Variants in TMEM120B observed in about 807,000 individuals in gnomAD.
TMEM120B encodes transmembrane protein 120B.
TMEM120B carries 31 observed loss-of-function variants against 55.5 expected under a neutral mutation model. The ratio of observed to expected loss-of-function variants is 0.56; its 90% CI spans 0.42 to 0.75. TMEM120B has a LOEUF of 0.75. Ranked by LOEUF, TMEM120B falls within the 30% of genes least tolerant of loss-of-function variation. The probability of loss-of-function intolerance (pLI) is 0.00; values close to 1 mark genes in which losing one functional copy is unlikely to be tolerated. For missense variants in TMEM120B, 399 were observed against 425.5 expected (o/e 0.94, Z 0.55); for synonymous variants, 203 against 176.3 (o/e 1.15, Z -1.20).
chr12:121,755,366 C>G (rs574613049), intron 5 of TMEM120B, among the ~76,000 whole-genome samples: 1 of 152,312 alleles, frequency 6.6e-6, no homozygotes, highest in East Asian at 1.9e-4. Context: ...ATCTACTCCA[C>G]CAGTACTCCT....
chr12:121,779,401 T>G lies in TMEM120B; in HGVS notation c.*3679T>G. 72 of 1,325,334 alleles carry G rather than the reference T, an allele frequency of 5.4e-5. No individual in the cohort carries two copies. The highest frequency in any genetic ancestry group is 6.1e-5 in the Non-Finnish European group (59 of 962,644). The allele number at this position is 1,325,334 out of a possible 1,614,324, so 82.1% of individuals were successfully genotyped here. A position where few individuals can be genotyped will look rare whatever the true frequency, so the allele number is the denominator to read the frequency against. ...GTCTAGCCGCAGGCCCCAGACACCA[T>G]GAGCTGGAGGGTCGGGATGGGGCAG... On this transcript the variant is annotated 3_prime_UTR_variant, in exon 12 of 12. Transcript: ENST00000449592.
Position 121,773,479 on chromosome 12 carries a change from C to T in TMEM120B, c.738C>T (p.Ala246=). ...GGGGCTGCCTCTACCGGCTGCGGGC[C>T]CTGGGGGAGAGGAACCACCTGGATC... ...YQRGCLYRLR[A]LGERNHLDLT... is the part of the protein sequence containing the mutation. The change falls in exon 9 of 12, where the codon GCC becomes GCT. Residue 246 remains alanine (A), a synonymous_variant. Transcript: ENST00000449592. 6.2e-7 allele frequency: 1 copy of T among 1,606,416 alleles called. No homozygotes were observed. Among genetic ancestry groups the T allele is most frequent in the Non-Finnish European group, 8.5e-7 (1 of 1,176,160 alleles).
At chr12:121,715,043 C>T (rs1894673333) in intron 1 of TMEM120B, among the ~76,000 whole-genome samples, 1 of 152,108 alleles carries the variant, frequency 6.6e-6, no homozygotes, top group Non-Finnish European at 1.5e-5. Flanking sequence ...AGAGTCTTAA[C>T]ACTTCAGAGT....
intron 1 of TMEM120B, among the ~76,000 whole-genome samples, chr12:121,733,754 T>G (rs918058015): frequency 6.9e-6 from 1 of 145,418 alleles, no homozygotes; most frequent in Non-Finnish European, 1.5e-5. Flanking sequence ...GCCAGGCTGG[T>G]CTCGAACTCT....
rs760086181 is a variant in TMEM120B at position 121,716,905 on chromosome 12, G to A, written c.69+3941G>A. On this transcript the variant is annotated intron_variant, in intron 1 of 11. Transcript: ENST00000449592. ...AAAGAAAGAGCAAACCTAATTCTCA[G>A]ACCCCAGAAGATTTGAAAGATCTTT... Among the ~76,000 whole-genome samples the A allele has an allele frequency of 6.6e-5, 10 of 152,224 alleles. 1 individual carries two copies. Among genetic ancestry groups the A allele is most frequent in the Admixed American group, 1.3e-4 (2 of 15,280 alleles).
chr12:121,752,367 C>T, intron 5 of TMEM120B, 144 bp downstream of exon 5: 1 of 665,268 alleles, frequency 1.5e-6, no homozygotes, highest in Non-Finnish European at 2.6e-6. Context: ...GGGGCCATTT[C>T]TCATGGGAAA....
chr12:121,775,281 C>A lies in TMEM120B; in HGVS notation c.906+151C>A. The stretch of plus-strand genomic sequence containing the variant: ...GGGGTGTGTGCGTGTGTGTGGTGTG[C>A]TGTGGGGAGGTTCCTGGGGCGGGCT... On this transcript the variant is annotated intron_variant, in intron 11 of 11. Transcript: ENST00000449592. The surrounding 1 kb of genome is among the most constrained non-coding windows in gnomAD (Gnocchi z 4.3). 1 of 980,722 alleles carries A rather than the reference C, an allele frequency of 1.0e-6. No individual in the cohort carries two copies. Among genetic ancestry groups the A allele is most frequent in the Non-Finnish European group, 1.4e-6 (1 of 692,678 alleles). The allele number at this position is 980,722 out of a possible 1,614,324, so 60.8% of individuals were successfully genotyped here.
chr12:121,715,866 C>G (rs917233284), intron 1 of TMEM120B, among the ~76,000 whole-genome samples: 3 of 151,638 alleles, frequency 2.0e-5, no homozygotes, highest in South Asian at 2.1e-4. Flanking sequence ...ATTGGTAGGC[C>G]CCTCTCTGCC....
At chr12:121,732,006 G>A (rs756239457) in intron 1 of TMEM120B, among the ~76,000 whole-genome samples, 2 of 152,068 alleles carry the variant, frequency 1.3e-5, no homozygotes, top group Admixed American at 6.6e-5. Flanking sequence ...GCGTGGTGGC[G>A]GGCGCCTGTA....
intron 1 of TMEM120B, among the ~76,000 whole-genome samples, chr12:121,714,149 G>A (rs1339215004): frequency 6.6e-6 from 1 of 152,176 alleles, no homozygotes; most frequent in Admixed American, 6.6e-5. Context: ...GACCTGTCCA[G>A]CATGTGTAGG....
chr12:121,769,333 G>A (rs935836979), intron 6 of TMEM120B, among the ~76,000 whole-genome samples: 23 of 152,192 alleles, frequency 1.5e-4, no homozygotes, highest in East Asian at 7.7e-4. Flanking sequence ...AAGCTGCCTC[G>A]GAGATGGTGT....
chr12:121,740,318 C>G (rs1872896158), intron 1 of TMEM120B, among the ~76,000 whole-genome samples: 1 of 151,822 alleles, frequency 6.6e-6, no homozygotes, highest in East Asian at 1.9e-4. Context: ...AACCCTGTCT[C>G]TACTAAAAAT....
intron 5 of TMEM120B, among the ~76,000 whole-genome samples, chr12:121,754,445 A>G (rs1340235536): frequency 6.6e-6 from 1 of 152,222 alleles, no homozygotes; most frequent in Non-Finnish European, 1.5e-5. Flanking sequence ...CTGGGGGCTT[A>G]AAACGACAGA....
rs763119520 is a variant in TMEM120B, at chr12:121,770,984, C to G, written c.617+12C>G. 5.0e-6 allele frequency: 8 copies of G among 1,613,120 alleles called. No individual in the cohort carries two copies. In the Admixed American group the frequency reaches 1.3e-4, roughly 27 times the overall value. ...GTGATGCTGACCTGGTGAGTAGCCC[C>G]TCGCTGGGCCCCTCCAGCCTCCCAG... is the stretch of plus-strand genomic sequence containing the variant. On this transcript the variant is annotated intron_variant, in intron 7 of 11. Coordinates refer to ENST00000449592, the MANE Select transcript of TMEM120B (RefSeq NM_001080825.2).
chr12:121,752,154 A>G lies in TMEM120B; in HGVS notation c.392A>G (p.Lys131Arg). The G allele has an allele frequency of 6.2e-7, 1 of 1,613,580 alleles. No homozygotes were observed. The highest frequency in any genetic ancestry group is 8.5e-7 in the Non-Finnish European group (1 of 1,179,898). ...AKFAYKDEYE[K>R]FKLYLTIILL... Reference sequence around the variant, plus strand: ...TTCGCCTACAAGGACGAATATGAGAAGTTCAAGCTCTACCTGACCATCATC... The same window carrying G: ...TTCGCCTACAAGGACGAATATGAGAGGTTCAAGCTCTACCTGACCATCATC... Residue 131 changes from lysine (K) to arginine (R), a missense_variant, in exon 5 of 12, where the codon AAG becomes AGG. Around this residue, in one of 3 missense-constraint regions of TMEM120B, gnomAD observed 260 missense variants for 303.9 expected, o/e 0.86. Transcript: ENST00000449592.
rs1484493470 is a variant in TMEM120B at position 121,780,938 on chromosome 12, C to T, written c.*5216C>T. The T allele has an allele frequency of 6.2e-7, 1 of 1,613,958 alleles. No individual in the cohort carries two copies. Among genetic ancestry groups the T allele is most frequent in the Non-Finnish European group, 8.5e-7 (1 of 1,179,994 alleles). On this transcript the variant is annotated 3_prime_UTR_variant, in exon 12 of 12. Transcript: ENST00000449592. ...TCCGCAGCTGCTCCTTGTCCTTCCT[C>T]AGGTCTGTCTTGCAGCCGATGAGCA... is the stretch of plus-strand genomic sequence containing the variant.
intron 1 of TMEM120B, among the ~76,000 whole-genome samples, chr12:121,720,499 C>G (rs1304689511): frequency 6.6e-6 from 1 of 152,116 alleles, no homozygotes; most frequent in Non-Finnish European, 1.5e-5. Flanking sequence ...CATTTGAGCT[C>G]AGGAGTTTGA....
Position 121,743,618 on chromosome 12 carries a change from C to T in TMEM120B, c.70-11C>T. The T allele has an allele frequency of 6.2e-7, 1 of 1,611,234 alleles. No homozygotes were observed. Among genetic ancestry groups the T allele is most frequent in the South Asian group, 1.1e-5 (1 of 91,006 alleles). ...TCCCACACACCCTCCCCCGGGTCCC[C>T]TGTTCTTCAGGAGACGCACAGGATC... On this transcript the variant is annotated splice_polypyrimidine_tract_variant and intron_variant, in intron 1 of 11. Coordinates refer to ENST00000449592, the MANE Select transcript of TMEM120B (RefSeq NM_001080825.2).
chr12:121,779,525 CT>C lies in TMEM120B; in HGVS notation c.*3805del, dbSNP rs779996466. On this transcript the variant is annotated 3_prime_UTR_variant, in exon 12 of 12. Coordinates refer to ENST00000449592, the MANE Select transcript of TMEM120B (RefSeq NM_001080825.2). ...AGAGCAGCAGGCAGAGCCGGCGCTT[CT>C]TCTGCCGTTGCGCCTTCTTCAGAGC... is the stretch of plus-strand genomic sequence containing the variant. 1 of 1,613,264 alleles carries C rather than the reference CT, an allele frequency of 6.2e-7. No homozygotes were observed. The highest frequency in any genetic ancestry group is 8.5e-7 in the Non-Finnish European group (1 of 1,180,028).
Sources: allele counts gnomAD v4.1 joint callset (sites outside exome capture counted in the v4.1 genomes callset), GRCh38; gene constraint gnomAD v4.1.1; regional missense constraint gnomAD v4.1.1; non-coding constraint Gnocchi (gnomAD v3.1); transcripts MANE v1.5; gene names NCBI Gene and HGNC (gene_info 2026-07-23, HGNC 2026-07-21).